Variants in DGCR2 observed in about 807,000 individuals in gnomAD.
DGCR2 encodes the protein DiGeorge syndrome critical region gene 2, also known as integral membrane protein DGCR2/IDD.
DGCR2 carries 24 observed loss-of-function variants against 51.6 expected under a neutral mutation model. The observed-to-expected ratio is 0.47, with a 90% CI of 0.34 to 0.65. The LOEUF (loss-of-function observed/expected upper bound fraction) is 0.65, where lower values mean the gene tolerates loss of function less well. Among genes scored for constraint, DGCR2 ranks in the 30% least tolerant of loss-of-function variants. The pLI is 0.01. For missense variants in DGCR2, 765 were observed against 772.1 expected, an observed-to-expected ratio of 0.99 and a Z score of 0.11; for synonymous variants, 340 against 315.4, an observed-to-expected ratio of 1.08 and a Z score of -0.82.
chr22:19,043,570 G>A (rs1336825833), intron 7 of DGCR2, among the ~76,000 whole-genome samples: 2 of 152,196 alleles, frequency 1.3e-5, no homozygotes, highest in Non-Finnish European at 2.9e-5. Flanking sequence ...CAGACCAAGA[G>A]TGAAGGCCAG....
At chr22:19,084,617 T>G (rs112350819) in intron 2 of DGCR2, among the ~76,000 whole-genome samples, 1 of 145,124 alleles carries the variant, frequency 6.9e-6, no homozygotes, top group Non-Finnish European at 1.5e-5. Context: ...CCGCCCCGTC[T>G]GGGAAGTGAG....
intron 2 of DGCR2, among the ~76,000 whole-genome samples, chr22:19,084,969 T>C (rs3960070): frequency 0.49 from 74,397 of 151,170 alleles, 19,324 homozygotes; most frequent in African/African-American, 0.68. Flanking sequence ...ATGACAATGG[T>C]GGTTTTGTGG....
At chr22:19,101,493 C>G (rs1431476733) in intron 1 of DGCR2, among the ~76,000 whole-genome samples, 1 of 151,106 alleles carries the variant, frequency 6.6e-6, no homozygotes, top group Non-Finnish European at 1.5e-5. Flanking sequence ...GTAATCCCAG[C>G]ACTTTGGGAG....
chr22:19,106,591 T>C (rs1032259120), intron 1 of DGCR2, among the ~76,000 whole-genome samples: 4 of 152,066 alleles, frequency 2.6e-5, no homozygotes, highest in Non-Finnish European at 4.4e-5. Context: ...GAACAAGACA[T>C]GTGTGGCTCA....
At chr22:19,113,692 G>C (rs928391133) in intron 1 of DGCR2, among the ~76,000 whole-genome samples, 2 of 152,114 alleles carry the variant, frequency 1.3e-5, no homozygotes, top group African/African-American at 4.8e-5. Context: ...CCAGGTGAAG[G>C]GGTTTCCACT....
At chr22:19,051,475 ACCT>A (rs2082548314) in intron 6 of DGCR2, among the ~76,000 whole-genome samples, 2 of 152,214 alleles carry the variant, frequency 1.3e-5, no homozygotes, top group African/African-American at 4.8e-5. Flanking sequence ...ATTAGTTCAC[ACCT>A]GTAATCTCAA....
intron 2 of DGCR2, among the ~76,000 whole-genome samples, chr22:19,073,154 C>T (rs373980744): frequency 6.6e-6 from 1 of 152,262 alleles, no homozygotes; most frequent in South Asian, 2.1e-4. Flanking sequence ...GTCCCAGCTA[C>T]TCAGGAGGAT....
intron 4 of DGCR2, among the ~76,000 whole-genome samples, 173 bp from the exon 5 acceptor site, chr22:19,063,451 G>A (rs553770241): frequency 3.6e-4 from 55 of 151,848 alleles, no homozygotes; most frequent in Admixed American, 9.8e-4. Flanking sequence ...CAATTCTCCT[G>A]CCTCAGCCTC....
intron 2 of DGCR2, among the ~76,000 whole-genome samples, chr22:19,084,892 A>G (rs1219051033): frequency 2.6e-5 from 4 of 151,954 alleles, no homozygotes; most frequent in African/African-American, 9.7e-5. Context: ...GGAAGTGAGG[A>G]GCCCCTCTGC....
intron 4 of DGCR2, 31 bp downstream of exon 4, chr22:19,064,817 C>T (rs755695041): frequency 2.5e-6 from 4 of 1,600,160 alleles, no homozygotes; most frequent in Non-Finnish European, 3.4e-6. Flanking sequence ...ACTCTGACTC[C>T]AGCCCCTCAG....
chr22:19,115,906 T>C (rs1000902528), intron 1 of DGCR2, among the ~76,000 whole-genome samples: 4 of 152,356 alleles, frequency 2.6e-5, no homozygotes, highest in East Asian at 1.9e-4. Context: ...ACATTTCACA[T>C]TTCAGTTCAG....
At chr22:19,041,703 C>G in intron 8 of DGCR2, 104 bp downstream of exon 8, 1 of 1,372,794 alleles carries the variant, frequency 7.3e-7, no homozygotes, top group Non-Finnish European at 1.0e-6. Flanking sequence ...GGCCTTCAAA[C>G]CTGCCTCTGC....
chr22:19,062,360 G>A (rs114337509), intron 5 of DGCR2, among the ~76,000 whole-genome samples: 2,540 of 152,218 alleles, frequency 0.017, 71 homozygotes, highest in African/African-American at 0.058. Context: ...CCGCCTCTGT[G>A]GGGCCCTCTT....
chr22:19,074,264 A>G (rs554437234), intron 2 of DGCR2, among the ~76,000 whole-genome samples: 5 of 152,160 alleles, frequency 3.3e-5, no homozygotes, highest in South Asian at 2.1e-4. Flanking sequence ...GTCTCTACTA[A>G]AAAATACAAA....
intron 2 of DGCR2, among the ~76,000 whole-genome samples, chr22:19,081,548 CAT>C (rs2064481971): frequency 6.6e-6 from 1 of 152,152 alleles, no homozygotes; most frequent in African/African-American, 2.4e-5. Flanking sequence ...GTTTCCAAGA[CAT>C]GTATCAATGG....
chr22:19,039,903 A>T (rs1489582086), intron 9 of DGCR2, among the ~76,000 whole-genome samples: 2 of 103,170 alleles, frequency 1.9e-5, no homozygotes, highest in Non-Finnish European at 4.5e-5. Flanking sequence ...GTGGAGAAGG[A>T]GGTCTCACAG....
Position 19,057,183 on chromosome 22 carries a change from G to A in DGCR2, c.626-21C>T, listed in dbSNP as rs1309314589. ...AGAGCCTGTTGGGGAGACAAAAGGTGGGGCTGGACAACATCACATCAGAGG... is the reference window on the plus strand; with the variant it reads ...AGAGCCTGTTGGGGAGACAAAAGGTAGGGCTGGACAACATCACATCAGAGG... On this transcript the variant is annotated intron_variant, in intron 5 of 9. Coordinates refer to ENST00000263196, the MANE Select transcript of DGCR2 (RefSeq NM_005137.3). This position sits in a 1 kb window ranked among gnomAD's most constrained non-coding sequence, Gnocchi z 5.1. 2 of 1,581,804 alleles carry A rather than the reference G, an allele frequency of 1.3e-6. No individual in the cohort carries two copies. The highest frequency in any genetic ancestry group is 1.8e-5 in the Admixed American group (1 of 55,292).
chr22:19,122,176 G>C lies in DGCR2; in HGVS notation c.31C>G (p.Leu11Val). Residue 11 changes from leucine to valine, a missense_variant, in exon 1 of 10, where the codon CTG becomes GTG. By Grantham distance (32) the Leu-to-Val change is conservative. Coordinates refer to ENST00000263196, the MANE Select transcript of DGCR2 (RefSeq NM_005137.3). ...GTGAGCACGAGCAGGAAGAGCAGCA[G>C]GAAGGCGCCGCTGTCTGCCTTGGGC... is the stretch of plus-strand genomic sequence containing the variant. MVPKADSGAF[L>V]LLFLLVLTVT... The C allele has an allele frequency of 6.6e-7, 1 of 1,511,950 alleles. No homozygotes were observed. The allele number at this position is 1,511,950 out of a possible 1,614,324, so 93.7% of individuals were successfully genotyped here.
chr22:19,056,626 G>A lies in DGCR2; in HGVS notation c.802+360C>T, dbSNP rs149085651. 858 of 381,704 alleles carry A rather than the reference G, an allele frequency of 2.2e-3. 1 individual carries two copies. The highest frequency in any genetic ancestry group is 3.7e-3 in the Middle Eastern group (5 of 1,350). The allele number at this position is 381,704 out of a possible 1,614,324, so 23.6% of individuals were successfully genotyped here. On this transcript the variant is annotated intron_variant, in intron 6 of 9. Transcript: ENST00000263196. ...AAGCAGAGAAGCAGAGAGAAGGATG[G>A]CAGAAATGGGGGGTGGGGAGGTGAC...
Sources: allele counts gnomAD v4.1 joint callset (sites outside exome capture counted in the v4.1 genomes callset), GRCh38; gene constraint gnomAD v4.1.1; non-coding constraint Gnocchi (gnomAD v3.1); transcripts MANE v1.5; gene names NCBI Gene and HGNC (gene_info 2026-07-23, HGNC 2026-07-21).